SYNGR4: variants seen among roughly 807,000 people sequenced by gnomAD.
SYNGR4 encodes synaptogyrin-4.
SYNGR4 carries 15 observed loss-of-function variants against 15.5 expected under a neutral mutation model. The observed-to-expected ratio is 0.97, with a 90% CI of 0.65 to 1.49. SYNGR4 has a LOEUF of 1.49. SYNGR4 is among the 40% of genes most tolerant of loss of function. The probability of loss-of-function intolerance (pLI) is 0.00; values close to 1 mark genes in which losing one functional copy is unlikely to be tolerated. For synonymous variants in SYNGR4, 121 were observed against 127.4 expected (o/e 0.95, Z 0.34); for missense variants, 292 against 299.3 (o/e 0.98, Z 0.18).
At chr19:48,369,547 A>T (rs1970274389) in intron 2 of SYNGR4, among the ~76,000 whole-genome samples, 1 of 152,100 alleles carries the variant, frequency 6.6e-6, no homozygotes, top group African/African-American at 2.4e-5. Flanking sequence ...CCCTACCCCC[A>T]CATTCCTCCT....
chr19:48,366,041 G>T, intron 2 of SYNGR4, 106 bp downstream of exon 2: 1 of 1,211,796 alleles, frequency 8.3e-7, no homozygotes, highest in Non-Finnish European at 1.2e-6. Context: ...GGGGTCAGAC[G>T]GGGAAACAAG....
chr19:48,373,350 G>A (rs373492764), intron 2 of SYNGR4, 167 bp from the exon 3 acceptor site: 64 of 653,686 alleles, frequency 9.8e-5, no homozygotes, highest in African/African-American at 9.2e-4. Flanking sequence ...GAGCAGAGGG[G>A]ACGAGGGGCA....
At chr19:48,368,138 G>A (rs1970247837) in intron 2 of SYNGR4, among the ~76,000 whole-genome samples, 1 of 152,194 alleles carries the variant, frequency 6.6e-6, no homozygotes, top group Non-Finnish European at 1.5e-5. Context: ...GTCCTTACCA[G>A]CAGCAGCAAC....
Position 48,371,578 on chromosome 19 carries a change from A to ATTTTT in SYNGR4, c.94-1926_94-1922dup, listed in dbSNP as rs34660677. Among the ~76,000 whole-genome samples, 190 of 141,910 alleles carry ATTTTT rather than the reference A, an allele frequency of 1.3e-3. 4 individuals carry two copies. Among genetic ancestry groups the ATTTTT allele is most frequent in the African/African-American group, 4.4e-3 (169 of 38,386 alleles). 93.1% of individuals were successfully genotyped at this position (141,910 alleles called of 152,430 possible). The stretch of plus-strand genomic sequence containing the variant: ...TCCAGGCTCTGACACTGACCAGCTG[A>ATTTTT]TTTTTTTTTTTTTTTTTGAGACAGG... On this transcript the variant is annotated intron_variant, in intron 2 of 4. Transcript: ENST00000344846.
At chr19:48,373,243 G>T in intron 2 of SYNGR4, 1 of 475,882 alleles carries the variant, frequency 2.1e-6, no homozygotes, top group East Asian at 3.9e-5. Context: ...TGGGGCCATG[G>T]TGGAGATGTG....
chr19:48,374,208 G>A (rs929573881), intron 3 of SYNGR4, among the ~76,000 whole-genome samples: 1 of 151,648 alleles, frequency 6.6e-6, no homozygotes, highest in African/African-American at 2.4e-5. Flanking sequence ...CTCCTGAGTA[G>A]CTGGGATTAC....
At chr19:48,368,077 G>A (rs1002324348) in intron 2 of SYNGR4, among the ~76,000 whole-genome samples, 1 of 152,186 alleles carries the variant, frequency 6.6e-6, no homozygotes, top group African/African-American at 2.4e-5. Flanking sequence ...TCAGGCACGT[G>A]CTGTCCATGC....
chr19:48,369,638 C>A (rs1970275402), intron 2 of SYNGR4, among the ~76,000 whole-genome samples: 1 of 152,222 alleles, frequency 6.6e-6, no homozygotes, highest in African/African-American at 2.4e-5. Context: ...CTGGCACAGT[C>A]AGAAGCATCT....
chr19:48,374,602 C>A (rs1183928196), intron 3 of SYNGR4, among the ~76,000 whole-genome samples: 1 of 152,196 alleles, frequency 6.6e-6, no homozygotes, highest in Non-Finnish European at 1.5e-5. Context: ...CAGGAGAACT[C>A]CCTGTGAGGG....
intron 3 of SYNGR4, 152 bp from the exon 4 acceptor site, chr19:48,375,461 T>A (rs1027727765): frequency 1.8e-5 from 17 of 927,140 alleles, no homozygotes; most frequent in Non-Finnish European, 2.5e-5. Context: ...TTGTGGGAGA[T>A]GTGTCAACAT....
At chr19:48,373,222 A>G (rs1970337392) in intron 2 of SYNGR4, 2 of 405,194 alleles carry the variant, frequency 4.9e-6, no homozygotes, top group Non-Finnish European at 9.3e-6. Flanking sequence ...CAGGGTGTGG[A>G]AAGACTCCCC....
intron 3 of SYNGR4, among the ~76,000 whole-genome samples, chr19:48,375,025 A>ATTTT (rs377458221): frequency 5.4e-5 from 7 of 129,496 alleles, no homozygotes; most frequent in Admixed American, 4.7e-4. Context: ...GCTGAGAAAC[A>ATTTT]TTTTTTTTTT....
rs146387042 is a variant in SYNGR4, at chr19:48,365,433, A to ACC, written c.-107-299_-107-298dup. 1.0e-4 allele frequency among the ~76,000 whole-genome samples: 4 copies of ACC among 39,168 alleles called. No homozygotes were observed. The East Asian group carries it at 3.5e-3, about 34-fold the overall frequency. 25.7% of individuals were successfully genotyped at this position (39,168 alleles called of 152,430 possible). A position where few individuals can be genotyped will look rare whatever the true frequency, so the allele number is the denominator to read the frequency against. ...CTCACCACACAACCCCATTCCTGGG[A>ACC]CCCCCAGCACCCCCATCCTATGCCC... On this transcript the variant is annotated intron_variant, in intron 1 of 4. Coordinates refer to ENST00000344846, the MANE Select transcript of SYNGR4 (RefSeq NM_012451.4).
Position 48,373,620 on chromosome 19 carries a change from G to A in SYNGR4, c.197G>A (p.Cys66Tyr). 1 of 1,613,824 alleles carries A rather than the reference G, an allele frequency of 6.2e-7. No homozygotes were observed. The highest frequency in any genetic ancestry group is 8.5e-7 in the Non-Finnish European group (1 of 1,180,024). ...ATTCTCAACAGCAACAGCGTGGCCT[G>A]CAGCTTTGCCGTGGGAGCCGGCTTC... is the stretch of plus-strand genomic sequence containing the variant. ...HCILNSNSVA[C>Y]SFAVGAGFLA... Residue 66 changes from cysteine to tyrosine, a missense_variant, in exon 3 of 5, where the codon TGC becomes TAC. Cys to Tyr is a radical substitution (Grantham distance 194, BLOSUM62 -2). Transcript: ENST00000344846.
At chr19:48,372,166 T>C (rs1318423179) in intron 2 of SYNGR4, among the ~76,000 whole-genome samples, 1 of 151,984 alleles carries the variant, frequency 6.6e-6, no homozygotes, top group Non-Finnish European at 1.5e-5. Flanking sequence ...ATTACAGTCA[T>C]GAGCCACCTC....
At chr19:48,372,507 AG>A (rs1310688657) in intron 2 of SYNGR4, among the ~76,000 whole-genome samples, 1 of 151,606 alleles carries the variant, frequency 6.6e-6, no homozygotes, top group Admixed American at 6.6e-5. Context: ...AAAAATAGCC[AG>A]GCATGGTGGC....
At chr19:48,373,050 G>A (rs1317386867) in intron 2 of SYNGR4, 1 of 168,568 alleles carries the variant, frequency 5.9e-6, no homozygotes, top group Non-Finnish European at 1.3e-5. Flanking sequence ...CCTGGGTTTG[G>A]TGGCAGAAGG....
At chr19:48,366,421 A>G (rs928286211) in intron 2 of SYNGR4, among the ~76,000 whole-genome samples, 16 of 151,790 alleles carry the variant, frequency 1.1e-4, no homozygotes, top group Admixed American at 6.6e-4. Context: ...GAAAAGAAAG[A>G]AACAGTTTCG....
At chr19:48,368,284 C>T (rs1970250373) in intron 2 of SYNGR4, among the ~76,000 whole-genome samples, 1 of 152,204 alleles carries the variant, frequency 6.6e-6, no homozygotes, top group Non-Finnish European at 1.5e-5. Context: ...TAATAATCTA[C>T]TCCTAGGAAG....
Sources: gnomAD v4.1 joint callset for allele counts (sites outside exome capture counted in the v4.1 genomes callset) on GRCh38, gnomAD v4.1.1 for gene constraint, MANE v1.5 for transcripts, NCBI Gene and HGNC (gene_info 2026-07-23, HGNC 2026-07-21) for gene names.